FNDC3B: variants seen among roughly 807,000 people sequenced by gnomAD.
FNDC3B encodes fibronectin type III domain-containing protein 3B.
A neutral mutation model predicts 151.5 loss-of-function variants in FNDC3B; 12 were observed. That is an observed-to-expected ratio of 0.08 (90% CI 0.05 to 0.13). The LOEUF (loss-of-function observed/expected upper bound fraction) is 0.13, where lower values mean the gene tolerates loss of function less well. Ranked by LOEUF, FNDC3B falls within the 10% of genes least tolerant of loss-of-function variation. FNDC3B has a pLI of 1.00. For missense variants in FNDC3B, 1,214 were observed against 1,505.3 expected (o/e 0.81, Z 3.20); for synonymous variants, 528 against 549.0 (o/e 0.96, Z 0.54).
chr3:172,394,323 A>C (rs893984408), intron 25 of FNDC3B, among the ~76,000 whole-genome samples: 3 of 151,958 alleles, frequency 2.0e-5, no homozygotes, highest in Non-Finnish European at 4.4e-5. Context: ...CTAGAAAAAC[A>C]GTACAAAGAT....
chr3:172,077,445 T>A (rs990358090), intron 1 of FNDC3B, among the ~76,000 whole-genome samples: 1 of 152,184 alleles, frequency 6.6e-6, no homozygotes, highest in African/African-American at 2.4e-5. Flanking sequence ...GGTGTGAAAA[T>A]CATTATGGAG....
intron 3 of FNDC3B, among the ~76,000 whole-genome samples, chr3:172,196,623 C>T (rs1724846426): frequency 6.6e-6 from 1 of 152,094 alleles, no homozygotes; most frequent in Non-Finnish European, 1.5e-5. Context: ...TTTCAGGTCA[C>T]ATTCTGTGAT....
intron 8 of FNDC3B, among the ~76,000 whole-genome samples, chr3:172,297,726 G>A (rs956336148): frequency 7.9e-5 from 12 of 151,820 alleles, no homozygotes; most frequent in African/African-American, 2.7e-4. Flanking sequence ...CGCCCTCCTT[G>A]GCCTCCCAAA....
chr3:172,186,899 C>G, intron 3 of FNDC3B: 1 of 538,400 alleles, frequency 1.9e-6, no homozygotes, highest in Non-Finnish European at 3.3e-6. Flanking sequence ...ACTTGAGTTT[C>G]AAAAGTAAAA....
Position 172,251,294 on chromosome 3 carries a change from C to T in FNDC3B, c.543C>T (p.Ile181=), listed in dbSNP as rs750830729. Residue 181 remains isoleucine, a synonymous_variant, in exon 6 of 26, where the codon ATC becomes ATT. Coordinates refer to ENST00000415807, the MANE Select transcript of FNDC3B (RefSeq NM_022763.4). ...CATTTTATGGAATGTCAACCTACAT[C>T]ACCCGAGAAGACCAGTACAGCAAGC... is the stretch of plus-strand genomic sequence containing the variant. ...IIPFYGMSTY[I]TREDQYSKPP... 6.2e-7 allele frequency: 1 copy of T among 1,613,056 alleles called. No individual in the cohort carries two copies. Among genetic ancestry groups the T allele is most frequent in the South Asian group, 1.1e-5 (1 of 91,060 alleles).
chr3:172,194,580 T>C (rs529172245), intron 3 of FNDC3B, among the ~76,000 whole-genome samples: 3 of 152,312 alleles, frequency 2.0e-5, no homozygotes, highest in South Asian at 2.1e-4. Context: ...GAAATACTCA[T>C]TGAAAAGAAT....
At chr3:172,262,921 A>G in intron 6 of FNDC3B, among the ~76,000 whole-genome samples, 1 of 141,830 alleles carries the variant, frequency 7.1e-6, no homozygotes, top group South Asian at 2.3e-4. Context: ...AAAAAAAAAA[A>G]AGCACTAGAA....
intron 6 of FNDC3B, among the ~76,000 whole-genome samples, chr3:172,256,256 T>G (rs1039738407): frequency 6.6e-6 from 1 of 152,226 alleles, no homozygotes; most frequent in African/African-American, 2.4e-5. Context: ...ACTCAGGCCT[T>G]CAAGAGCCAG....
At chr3:172,302,682 T>C (rs1248091025) in intron 9 of FNDC3B, 1 of 152,258 alleles carries the variant, frequency 6.6e-6, no homozygotes, top group Non-Finnish European at 1.5e-5. Flanking sequence ...ATCACTTTCA[T>C]ATTTGTTACC....
chr3:172,194,091 G>A (rs1486683820), intron 3 of FNDC3B, among the ~76,000 whole-genome samples: 3 of 152,042 alleles, frequency 2.0e-5, no homozygotes, highest in African/African-American at 7.2e-5. Context: ...GAGGTGGCGG[G>A]CGCCTGTAGT....
At chr3:172,173,233 A>C (rs1195613747) in intron 3 of FNDC3B, among the ~76,000 whole-genome samples, 5 of 152,174 alleles carry the variant, frequency 3.3e-5, no homozygotes, top group Non-Finnish European at 7.3e-5. Context: ...GCTTGTCATA[A>C]GGTTATCTGT....
chr3:172,088,537 T>G (rs9824019), intron 1 of FNDC3B, among the ~76,000 whole-genome samples: 1 of 152,028 alleles, frequency 6.6e-6, no homozygotes, highest in Non-Finnish European at 1.5e-5. Context: ...TTCGTAATTA[T>G]ATTTTGAAAT....
chr3:172,048,816 A>C (rs1205698821), intron 1 of FNDC3B, among the ~76,000 whole-genome samples: 1 of 152,236 alleles, frequency 6.6e-6, no homozygotes, highest in Non-Finnish European at 1.5e-5. Context: ...CATAACATGA[A>C]TGAATCTTGA....
At chr3:172,111,155 C>A (rs1719944601) in intron 1 of FNDC3B, among the ~76,000 whole-genome samples, 1 of 149,538 alleles carries the variant, frequency 6.7e-6, no homozygotes, top group Admixed American at 6.7e-5. Flanking sequence ...GAGAAAATAG[C>A]CATTTTTCTC....
chr3:172,166,950 A>G (rs529482054), intron 3 of FNDC3B, among the ~76,000 whole-genome samples: 3 of 152,322 alleles, frequency 2.0e-5, no homozygotes, highest in South Asian at 4.1e-4. Flanking sequence ...GCACATTTAG[A>G]TAGTGAAGGA....
chr3:172,209,890 G>A (rs777831310), intron 3 of FNDC3B, among the ~76,000 whole-genome samples: 10 of 152,276 alleles, frequency 6.6e-5, no homozygotes, highest in Admixed American at 1.3e-4. Context: ...CCCAACGTCT[G>A]GAGGGAGTCC....
chr3:172,296,486 C>T (rs989609881), intron 8 of FNDC3B, among the ~76,000 whole-genome samples: 1 of 152,194 alleles, frequency 6.6e-6, no homozygotes, highest in African/African-American at 2.4e-5. Flanking sequence ...TCCCTGGACG[C>T]CCTCAGGAGT....
chr3:172,196,895 A>G (rs551909499), intron 3 of FNDC3B, among the ~76,000 whole-genome samples: 3 of 152,142 alleles, frequency 2.0e-5, no homozygotes, highest in South Asian at 2.1e-4. Context: ...TTAAAGAACA[A>G]TTCTTGGCTG....
chr3:172,222,214 C>A (rs1210659160), intron 3 of FNDC3B, among the ~76,000 whole-genome samples: 1 of 152,108 alleles, frequency 6.6e-6, no homozygotes, highest in African/African-American at 2.4e-5. Context: ...CACAATAATT[C>A]TATGAATTCA....
Sources: gnomAD v4.1 joint callset for allele counts (sites outside exome capture counted in the v4.1 genomes callset) on GRCh38, gnomAD v4.1.1 for gene constraint, MANE v1.5 for transcripts, NCBI Gene and HGNC (gene_info 2026-07-23, HGNC 2026-07-21) for gene names.